Variants in TIPARP observed in about 807,000 individuals in gnomAD.
TIPARP encodes protein mono-ADP-ribosyltransferase TIPARP.
In TIPARP, 12 loss-of-function variants were observed where a neutral mutation model predicts 56.5. The observed-to-expected ratio is 0.21, with a 90% CI of 0.14 to 0.34. The LOEUF is 0.34. TIPARP is among the 10% of genes least tolerant of loss of function. The pLI, the probability that TIPARP is intolerant of heterozygous loss-of-function variation, is 1.00. For missense variants in TIPARP, 604 were observed against 781.6 expected (o/e 0.77, Z 2.71); for synonymous variants, 296 against 265.7 (o/e 1.11, Z -1.11).
chr3:156,686,964 A>G (rs1481551821), intron 2 of TIPARP, among the ~76,000 whole-genome samples: 1 of 152,180 alleles, frequency 6.6e-6, no homozygotes, highest in Non-Finnish European at 1.5e-5. Context: ...CCTTGAATAC[A>G]TGGGAGGCAT....
At position 156,702,071 on chromosome 3, in the gene TIPARP, GGTT is replaced by G. The variant is rs1246179699; in HGVS notation, c.1248-1350_1248-1348del. ...TGGTGGTGGTGGTGGTGGTGGTGGTGGTTGTGGTGGTGGTGGTGGTGGTGATGG... is the reference window on the plus strand; with the variant it reads ...TGGTGGTGGTGGTGGTGGTGGTGGTGGTGGTGGTGGTGGTGGTGGTGATGG... On this transcript the variant is annotated intron_variant, in intron 4 of 5. Transcript: ENST00000295924. Among the ~76,000 whole-genome samples the G allele has an allele frequency of 7.8e-3, 915 of 116,596 alleles. 24 individuals are homozygous for G. Among genetic ancestry groups the G allele is most frequent in the African/African-American group, 0.018 (550 of 30,494 alleles). The allele number at this position is 116,596 out of a possible 152,430, so 76.5% of individuals were successfully genotyped here.
intron 2 of TIPARP, among the ~76,000 whole-genome samples, chr3:156,688,772 C>G (rs1198773698): frequency 6.6e-6 from 1 of 152,128 alleles, no homozygotes; most frequent in Non-Finnish European, 1.5e-5. Context: ...CAAAAGCCAG[C>G]TATATTTTGT....
At chr3:156,697,145 T>TC (rs1013684157) in intron 4 of TIPARP, among the ~76,000 whole-genome samples, 1 of 152,208 alleles carries the variant, frequency 6.6e-6, no homozygotes, top group Non-Finnish European at 1.5e-5. Flanking sequence ...TTGTAGGGTT[T>TC]CTTAAAAAAT....
chr3:156,699,629 TACTC>T (rs1472259585), intron 4 of TIPARP, among the ~76,000 whole-genome samples: 2 of 152,236 alleles, frequency 1.3e-5, no homozygotes, highest in African/African-American at 4.8e-5. Flanking sequence ...AAAATTGTAT[TACTC>T]ACTTTATTGT....
intron 2 of TIPARP, among the ~76,000 whole-genome samples, chr3:156,684,951 T>A (rs767540834): frequency 1.3e-5 from 2 of 152,220 alleles, no homozygotes; most frequent in Non-Finnish European, 2.9e-5. Flanking sequence ...AATAGTGAAT[T>A]TGAAATTACA....
intron 2 of TIPARP, among the ~76,000 whole-genome samples, chr3:156,690,972 C>G (rs987971332): frequency 1.3e-5 from 2 of 152,126 alleles, no homozygotes; most frequent in Admixed American, 1.3e-4. Context: ...AACCTTATAT[C>G]TTAAGGCTCT....
chr3:156,695,202 T>TTTTATTTATTTATTTATTTA (rs58864139), intron 3 of TIPARP, among the ~76,000 whole-genome samples: 79 of 147,094 alleles, frequency 5.4e-4, no homozygotes, highest in African/African-American at 1.5e-3. Flanking sequence ...CCTTTTCAAA[T>TTTTATTTATTTATTTATTTA]TTTATTTATT....
chr3:156,681,102 A>G, intron 2 of TIPARP: 2 of 455,686 alleles, frequency 4.4e-6, no homozygotes, highest in Admixed American at 2.4e-5. Context: ...TGTATTCCAA[A>G]GCGATGTTGT....
intron 2 of TIPARP, among the ~76,000 whole-genome samples, chr3:156,686,304 CT>C (rs1285745415): frequency 1.3e-5 from 2 of 152,156 alleles, no homozygotes; most frequent in Non-Finnish European, 2.9e-5. Flanking sequence ...AGAAACTTGG[CT>C]TTGTAGAATC....
chr3:156,700,504 G>T (rs925990214), intron 4 of TIPARP, among the ~76,000 whole-genome samples: 1 of 152,270 alleles, frequency 6.6e-6, no homozygotes, highest in South Asian at 2.1e-4. Context: ...TAGAAGGGGT[G>T]GGGTAGGAAG....
chr3:156,704,840 A>T lies in TIPARP; in HGVS notation c.1683A>T (p.Gln561His), dbSNP rs973547078. 1.2e-6 allele frequency: 2 copies of T among 1,614,102 alleles called. No individual in the cohort carries two copies. The highest frequency in any genetic ancestry group is 1.7e-6 in the Non-Finnish European group (2 of 1,180,046). Residue 561 changes from glutamine to histidine, a missense_variant, in exon 6 of 6, where the codon CAA becomes CAT. Physicochemically the swap from Gln to His is conservative, Grantham distance 24. Transcript: ENST00000295924. The stretch of plus-strand genomic sequence containing the variant: ...GAAAGCATGCTACAATGTTTGGACA[A>T]GGCAGTTATTTTGCAAAGAAGGCAA... The part of the protein sequence containing the change: ...VCGKHATMFG[Q>H]GSYFAKKASY...
Position 156,688,196 on chromosome 3 carries a change from G to A in TIPARP, c.918-5824G>A, listed in dbSNP as rs79149972. On this transcript the variant is annotated intron_variant, in intron 2 of 5. Coordinates refer to ENST00000295924, the MANE Select transcript of TIPARP (RefSeq NM_015508.5). ...TTGAGACCAGCCCAGGCAACATGGC[G>A]AAACCTTGTCTCTACAGAAAAATAC... Among the ~76,000 whole-genome samples, 353 of 152,040 alleles carry A rather than the reference G, an allele frequency of 2.3e-3. 1 individual carries two copies. The highest frequency in any genetic ancestry group is 8.1e-3 in the African/African-American group (336 of 41,466).
chr3:156,677,592 A>T (rs1722173191), intron 1 of TIPARP, 65 bp from the exon 2 acceptor site: 2 of 1,106,402 alleles, frequency 1.8e-6, no homozygotes, highest in Middle Eastern at 2.1e-4. Flanking sequence ...AAAACATTTT[A>T]ATGAATGAAT....
At chr3:156,676,227 T>G (rs998606128) in intron 1 of TIPARP, among the ~76,000 whole-genome samples, 1 of 152,186 alleles carries the variant, frequency 6.6e-6, no homozygotes, top group South Asian at 2.1e-4. Flanking sequence ...TCATGTCAGA[T>G]CCCTCCTTCT....
In TIPARP at chr3:156,674,788, C is replaced by G. The variant is rs1466791031; in HGVS notation, c.-50C>G. ...CTCCTGTCGTCCGTTCTCTCAGGCT[C>G]CCGTTCAGGTAAAGGGCTCCGGGAG... On this transcript the variant is annotated 5_prime_UTR_variant, in exon 1 of 6. Coordinates refer to ENST00000295924, the MANE Select transcript of TIPARP (RefSeq NM_015508.5). 6.6e-6 allele frequency: 1 copy of G among 152,414 alleles called. No individual in the cohort carries two copies. Among genetic ancestry groups the G allele is most frequent in the Non-Finnish European group, 1.5e-5 (1 of 68,154 alleles). 9.4% of individuals were successfully genotyped at this position (152,414 alleles called of 1,614,324 possible).
intron 1 of TIPARP, chr3:156,675,599 CG>C (rs1477915875): frequency 2.0e-5 from 3 of 152,222 alleles, no homozygotes; most frequent in Non-Finnish European, 4.4e-5. Context: ...CTGCACTGCG[CG>C]GAGTTGGCGC....
chr3:156,700,709 G>A (rs1332284601), intron 4 of TIPARP, among the ~76,000 whole-genome samples: 1 of 152,164 alleles, frequency 6.6e-6, no homozygotes, highest in East Asian at 1.9e-4. Context: ...GGAATGCCTG[G>A]CACAGTTTCT....
chr3:156,674,824 G>C (rs1035266209), intron 1 of TIPARP, 28 bp downstream of exon 1: 2 of 152,412 alleles, frequency 1.3e-5, no homozygotes, highest in African/African-American at 4.8e-5. Flanking sequence ...GGCACTGAGG[G>C]GCTGAAGAAC....
chr3:156,678,331 C>A lies in TIPARP; in HGVS notation c.634C>A (p.Gln212Lys). The change falls in exon 2 of 6, where the codon CAG becomes AAG. Residue 212 changes from glutamine to lysine, a missense_variant. Physicochemically the swap from Gln to Lys is moderately conservative, Grantham distance 53. Coordinates refer to ENST00000295924, the MANE Select transcript of TIPARP (RefSeq NM_015508.5). ...TGATAAGCTGAGTACTGAGCTCTTTCAGGACAAAAGTGAAGAGGCTTCCCT... is the reference window on the plus strand; with the variant it reads ...TGATAAGCTGAGTACTGAGCTCTTTAAGGACAAAAGTGAAGAGGCTTCCCT... The part of the protein sequence containing the change: ...TSDKLSTELF[Q>K]DKSEEASLDL... 1 of 1,614,154 alleles carries A rather than the reference C, an allele frequency of 6.2e-7. No individual in the cohort carries two copies. Among genetic ancestry groups the A allele is most frequent in the Non-Finnish European group, 8.5e-7 (1 of 1,180,012 alleles).
Sources: allele counts gnomAD v4.1 joint callset (sites outside exome capture counted in the v4.1 genomes callset), GRCh38; gene constraint gnomAD v4.1.1; transcripts MANE v1.5; gene names NCBI Gene and HGNC (gene_info 2026-07-23, HGNC 2026-07-21).